The following MEF2A variants were observed in gnomAD, a reference collection of about 807,000 sequenced individuals.
The protein encoded by MEF2A is myocyte-specific enhancer factor 2A.
In MEF2A, 28 loss-of-function variants were observed where a neutral mutation model predicts 55.8. That is an observed-to-expected ratio of 0.50 (90% CI 0.37 to 0.69). MEF2A has a LOEUF of 0.69. MEF2A is among the 30% of genes least tolerant of loss of function. The probability of loss-of-function intolerance (pLI) is 0.00; values close to 1 mark genes in which losing one functional copy is unlikely to be tolerated. For synonymous variants in MEF2A, 239 were observed against 227.1 expected, an observed-to-expected ratio of 1.05 and a Z score of -0.47; for missense variants, 528 against 626.2, an observed-to-expected ratio of 0.84 and a Z score of 1.67.
chr15:99,714,975 G>GTAAC lies in MEF2A; in HGVS notation c.*2206_*2209dup, dbSNP rs1303031447. 1 of 152,072 alleles carries GTAAC rather than the reference G, an allele frequency of 6.6e-6. No individual in the cohort carries two copies. Among genetic ancestry groups the GTAAC allele is most frequent in the Non-Finnish European group, 1.5e-5 (1 of 68,032 alleles). 9.4% of individuals were successfully genotyped at this position (152,072 alleles called of 1,614,324 possible). A position where few individuals can be genotyped will look rare whatever the true frequency, so the allele number is the denominator to read the frequency against. ...TTCTGTTCTCATGGCAGTTTGGGCA[G>GTAAC]TAACTTTTGAGAGAGGCCAAAAAAA... On this transcript the variant is annotated 3_prime_UTR_variant, in exon 12 of 12. Transcript: ENST00000557942.
chr15:99,602,665 T>C (rs953916013), intron 2 of MEF2A, among the ~76,000 whole-genome samples: 1 of 109,506 alleles, frequency 9.1e-6, no homozygotes, highest in Non-Finnish European at 1.9e-5. Context: ...TGTGTGTGTG[T>C]GTGTGTGTGT....
intron 1 of MEF2A, among the ~76,000 whole-genome samples, chr15:99,579,866 TAAC>T (rs1965412320): frequency 6.6e-6 from 1 of 152,168 alleles, no homozygotes; most frequent in South Asian, 2.1e-4. Context: ...TGTAGGACCT[TAAC>T]TATTCCCTTT....
chr15:99,585,474 A>C (rs951516520), intron 1 of MEF2A, among the ~76,000 whole-genome samples: 2 of 152,184 alleles, frequency 1.3e-5, no homozygotes, highest in Non-Finnish European at 2.9e-5. Context: ...AGACCTTATT[A>C]GTTTTTTTAA....
chr15:99,598,921 A>G (rs1972106714), intron 2 of MEF2A, among the ~76,000 whole-genome samples: 1 of 152,160 alleles, frequency 6.6e-6, no homozygotes, highest in Non-Finnish European at 1.5e-5. Context: ...GATGACATGC[A>G]TGTCTAGCCA....
chr15:99,690,434 T>C lies in MEF2A; in HGVS notation c.858+6T>C. On this transcript the variant is annotated splice_donor_region_variant and intron_variant, in intron 8 of 11. Coordinates refer to ENST00000557942, the MANE Select transcript of MEF2A (RefSeq NM_001319206.4). ...AGGGCATGATGCCTCCACTAGTAAG[T>C]TGAACCTTTCTTCAACTTCATTCTT... 1 of 1,581,322 alleles carries C rather than the reference T, an allele frequency of 6.3e-7. No homozygotes were observed. The highest frequency in any genetic ancestry group is 8.6e-7 in the Non-Finnish European group (1 of 1,163,730).
chr15:99,695,541 T>TTG (rs3979129), intron 8 of MEF2A, among the ~76,000 whole-genome samples: 2,235 of 144,866 alleles, frequency 0.015, 69 homozygotes, highest in Admixed American at 0.077. Flanking sequence ...ATTGTCAGAT[T>TTG]TGTGTGTGTG....
chr15:99,620,973 T>G (rs2041063916), intron 2 of MEF2A: 1 of 151,522 alleles, frequency 6.6e-6, no homozygotes, highest in African/African-American at 2.4e-5. Flanking sequence ...GCCTCCCGAG[T>G]AGCTGGGATT....
intron 7 of MEF2A, among the ~76,000 whole-genome samples, chr15:99,689,736 A>G (rs945092137): frequency 1.1e-4 from 16 of 152,142 alleles, no homozygotes; most frequent in Non-Finnish European, 2.2e-4. Context: ...CCTCCTCGGC[A>G]TACCGAAGTG....
chr15:99,713,062 G>A lies in MEF2A; in HGVS notation c.*291G>A, dbSNP rs1448438960. ...GGCACTTCCTTGGACTACTTGTTTC[G>A]TAAAGATAACCAGTTTTTGCAGAGA... On this transcript the variant is annotated 3_prime_UTR_variant, in exon 12 of 12. Coordinates refer to ENST00000557942, the MANE Select transcript of MEF2A (RefSeq NM_001319206.4). 22 of 470,134 alleles carry A rather than the reference G, an allele frequency of 4.7e-5. No individual in the cohort carries two copies. The highest frequency in any genetic ancestry group is 7.8e-5 in the Non-Finnish European group (21 of 267,520). 29.1% of individuals were successfully genotyped at this position (470,134 alleles called of 1,614,324 possible). A position where few individuals can be genotyped will look rare whatever the true frequency, so the allele number is the denominator to read the frequency against.
At chr15:99,627,745 C>T (rs1467508758) in intron 2 of MEF2A, among the ~76,000 whole-genome samples, 1 of 152,120 alleles carries the variant, frequency 6.6e-6, no homozygotes, top group African/African-American at 2.4e-5. Flanking sequence ...CATTGTCTTC[C>T]ATGTGTGTTT....
intron 4 of MEF2A, among the ~76,000 whole-genome samples, chr15:99,660,640 T>G (rs984263492): frequency 5.3e-5 from 8 of 152,288 alleles, no homozygotes; most frequent in African/African-American, 9.6e-5. Context: ...AAGAAAGAAA[T>G]AAACTTTCAT....
chr15:99,663,427 T>C (rs903615003), intron 4 of MEF2A, among the ~76,000 whole-genome samples: 7 of 152,072 alleles, frequency 4.6e-5, no homozygotes, highest in African/African-American at 1.7e-4. Flanking sequence ...TTTTAACATA[T>C]GCTCAACTGT....
At chr15:99,695,700 A>T (rs2056359362) in intron 8 of MEF2A, among the ~76,000 whole-genome samples, 1 of 152,074 alleles carries the variant, frequency 6.6e-6, no homozygotes, top group Non-Finnish European at 1.5e-5. Context: ...TCTCTACTAA[A>T]AATACAGAAT....
intron 2 of MEF2A, among the ~76,000 whole-genome samples, chr15:99,624,711 C>T (rs1269692277): frequency 6.6e-6 from 1 of 152,082 alleles, no homozygotes; most frequent in East Asian, 1.9e-4. Context: ...GCAAAAATAC[C>T]ATTGGGATTT....
intron 4 of MEF2A, among the ~76,000 whole-genome samples, chr15:99,670,881 C>T (rs528722422): frequency 2.0e-5 from 3 of 152,240 alleles, no homozygotes; most frequent in East Asian, 1.9e-4. Context: ...ATAAAAACTC[C>T]GATAGGCAGA....
chr15:99,686,918 T>C (rs1241512316), intron 7 of MEF2A, among the ~76,000 whole-genome samples: 1 of 130,160 alleles, frequency 7.7e-6, no homozygotes, highest in Non-Finnish European at 1.8e-5. Context: ...TTTTGTTTTT[T>C]GATTTTTTTT....
In MEF2A at chr15:99,712,327, T is replaced by A; in HGVS notation, c.1137-63T>A. 1.4e-6 allele frequency: 2 copies of A among 1,474,468 alleles called. No homozygotes were observed. Among genetic ancestry groups the A allele is most frequent in the Non-Finnish European group, 1.8e-6 (2 of 1,110,020 alleles). 91.3% of individuals were successfully genotyped at this position (1,474,468 alleles called of 1,614,324 possible). ...TTTCCATCAGGCAGTGTCTCTACTG[T>A]ATCATCCCAGTTTTGCAGAGGTACT... On this transcript the variant is annotated intron_variant, in intron 11 of 11. Transcript: ENST00000557942. The surrounding 1 kb of genome is among the most constrained non-coding windows in gnomAD (Gnocchi z 4.1).
chr15:99,646,016 A>G (rs924445480), intron 4 of MEF2A, among the ~76,000 whole-genome samples: 2 of 152,150 alleles, frequency 1.3e-5, no homozygotes, highest in African/African-American at 4.8e-5. Flanking sequence ...CATTTCATCT[A>G]TGATTACTTA....
intron 3 of MEF2A, among the ~76,000 whole-genome samples, chr15:99,642,317 A>G (rs1213391011): frequency 2.6e-5 from 4 of 152,174 alleles, no homozygotes; most frequent in African/African-American, 9.6e-5. Context: ...TGAATATGCC[A>G]TGAATTTGAT....
Sources: allele counts gnomAD v4.1 joint callset (sites outside exome capture counted in the v4.1 genomes callset), GRCh38; gene constraint gnomAD v4.1.1; non-coding constraint Gnocchi (gnomAD v3.1); transcripts MANE v1.5; gene names NCBI Gene and HGNC (gene_info 2026-07-23, HGNC 2026-07-21).